Variants in CD47 observed in about 807,000 individuals in gnomAD.
CD47 encodes CD47 molecule.
CD47 carries 11 observed loss-of-function variants against 44.6 expected under a neutral mutation model. The observed-to-expected ratio is 0.25, with a 90% CI of 0.16 to 0.41. The LOEUF is 0.41. Ranked by LOEUF, CD47 falls within the 10% of genes least tolerant of loss-of-function variation. CD47 has a pLI of 1.00. For synonymous variants in CD47, 140 were observed against 136.3 expected (o/e 1.03, Z -0.19); for missense variants, 306 against 386.7 (o/e 0.79, Z 1.75).
chr3:108,073,850 C>T (rs2079255159), intron 2 of CD47, among the ~76,000 whole-genome samples: 1 of 152,146 alleles, frequency 6.6e-6, no homozygotes, highest in Non-Finnish European at 1.5e-5. Flanking sequence ...AAGGGTGTGA[C>T]CAACAAACGC....
intron 2 of CD47, among the ~76,000 whole-genome samples, chr3:108,075,718 C>G (rs1270184070): frequency 6.6e-6 from 1 of 152,130 alleles, no homozygotes; most frequent in African/African-American, 2.4e-5. Context: ...TATCACCCAG[C>G]AAAAGGGAGT....
chr3:108,054,090 A>G (rs2078874548), intron 7 of CD47: 1 of 152,336 alleles, frequency 6.6e-6, no homozygotes, highest in South Asian at 2.1e-4. Context: ...TGTATTTATC[A>G]GAATAAACAC....
At chr3:108,072,936 G>A (rs891729572) in intron 2 of CD47, among the ~76,000 whole-genome samples, 1 of 152,086 alleles carries the variant, frequency 6.6e-6, no homozygotes, top group African/African-American at 2.4e-5. Context: ...AGTGAATTCA[G>A]GCTCTTCAGT....
At chr3:108,072,850 C>T (rs764608521) in intron 2 of CD47, among the ~76,000 whole-genome samples, 3 of 151,892 alleles carry the variant, frequency 2.0e-5, no homozygotes, top group Non-Finnish European at 4.4e-5. Context: ...AATTGTGTAC[C>T]TCAACTCCTC....
rs773739625 is a variant in CD47 at position 108,057,558 on chromosome 3, T to C, written c.796A>G (p.Met266Val). The change falls in exon 7 of 11, where the codon ATG becomes GTG. Residue 266 changes from methionine to valine, a missense_variant. Met to Val is a conservative substitution (Grantham distance 21). Transcript: ENST00000361309. The stretch of plus-strand genomic sequence containing the variant: ...CCTGAAATCAGAAGAGGGCCATGCA[T>C]TGGTATACACGCTGTAAAAACAAAT... ...LSLCIAACIPMHGPLLISGLS... is the reference protein window; with the variant it reads ...LSLCIAACIPVHGPLLISGLS... 1 of 1,514,460 alleles carries C rather than the reference T, an allele frequency of 6.6e-7. No homozygotes were observed. Among genetic ancestry groups the C allele is most frequent in the South Asian group, 1.1e-5 (1 of 89,044 alleles). The allele number at this position is 1,514,460 out of a possible 1,614,324, so 93.8% of individuals were successfully genotyped here. A position where few individuals can be genotyped will look rare whatever the true frequency, so the allele number is the denominator to read the frequency against.
chr3:108,049,706 C>A, intron 9 of CD47, 55 bp from the exon 10 acceptor site: 1 of 1,308,306 alleles, frequency 7.6e-7, no homozygotes, highest in Non-Finnish European at 1.1e-6. Flanking sequence ...AATTGGAAAT[C>A]ATTTCTAAAT....
intron 7 of CD47, among the ~76,000 whole-genome samples, chr3:108,057,243 A>G (rs983058509): frequency 9.2e-5 from 14 of 152,112 alleles, no homozygotes; most frequent in African/African-American, 3.4e-4. Context: ...TATGTCTTCT[A>G]CCCTCTTTAA....
intron 8 of CD47, 177 bp downstream of exon 8, chr3:108,051,762 C>T (rs1484324829): frequency 1.0e-5 from 7 of 690,810 alleles, no homozygotes; most frequent in South Asian, 9.6e-5. Context: ...ACTAAAATGA[C>T]CAAACACAGG....
rs375978167 is a variant in CD47 at position 108,047,245 on chromosome 3, C to G, written c.*43G>C. On this transcript the variant is annotated 3_prime_UTR_variant, in exon 11 of 11. Transcript: ENST00000361309. ...CTTAAACACAAGTGTATTCCTTTCACGTCTTACTACTCTCCAAATCGGAGT... is the reference window on the plus strand; with the variant it reads ...CTTAAACACAAGTGTATTCCTTTCAGGTCTTACTACTCTCCAAATCGGAGT... 6.4e-7 allele frequency: 1 copy of G among 1,566,484 alleles called. No homozygotes were observed. The highest frequency in any genetic ancestry group is 1.4e-5 in the African/African-American group (1 of 73,932).
At chr3:108,066,204 G>A (rs554657099) in intron 3 of CD47, among the ~76,000 whole-genome samples, 48 of 151,836 alleles carry the variant, frequency 3.2e-4, no homozygotes, top group African/African-American at 3.6e-4. Flanking sequence ...CATCTGAGCC[G>A]TAACCAAAAT....
At chr3:108,087,724 C>T (rs1412537918) in intron 1 of CD47, among the ~76,000 whole-genome samples, 1 of 152,192 alleles carries the variant, frequency 6.6e-6, no homozygotes, top group Non-Finnish European at 1.5e-5. Flanking sequence ...TTCTCCTAAT[C>T]TGAATCTCAA....
chr3:108,079,311 C>T (rs1015713752), intron 2 of CD47, among the ~76,000 whole-genome samples: 10 of 151,800 alleles, frequency 6.6e-5, no homozygotes, highest in Non-Finnish European at 1.5e-4. Context: ...TTACTACCTT[C>T]TACACCTCAG....
intron 2 of CD47, among the ~76,000 whole-genome samples, chr3:108,075,273 T>C (rs150693799): frequency 6.6e-6 from 1 of 152,266 alleles, no homozygotes; most frequent in Non-Finnish European, 1.5e-5. Context: ...TACAAGGGTG[T>C]AGTCAATGAA....
chr3:108,071,028 C>T, intron 3 of CD47, 65 bp downstream of exon 3: 1 of 697,974 alleles, frequency 1.4e-6, no homozygotes, highest in Non-Finnish European at 2.4e-6. Flanking sequence ...ATTTCGCTGA[C>T]AATGTCTCGT....
At chr3:108,067,111 C>T (rs956997270) in intron 3 of CD47, among the ~76,000 whole-genome samples, 3 of 152,306 alleles carry the variant, frequency 2.0e-5, no homozygotes, top group Middle Eastern at 3.4e-3. Flanking sequence ...TGATAACACA[C>T]TTTCATTCTC....
rs1430080655 is a variant in CD47 at position 108,050,905 on chromosome 3, A to G, written c.910-303T>C. 1.0e-5 allele frequency: 4 copies of G among 384,370 alleles called. No homozygotes were observed. The Admixed American group carries it at 1.4e-4, about 13-fold the overall frequency. 23.8% of individuals were successfully genotyped at this position (384,370 alleles called of 1,614,324 possible). The stretch of plus-strand genomic sequence containing the variant: ...CTTCTAAAAATATGAAAGTGCAAGC[A>G]TAAATAGCAACAACAGAATAAATAA... On this transcript the variant is annotated intron_variant, in intron 8 of 10. Coordinates refer to ENST00000361309, the MANE Select transcript of CD47 (RefSeq NM_001777.4).
intron 10 of CD47, among the ~76,000 whole-genome samples, chr3:108,047,848 C>T (rs1204196380): frequency 6.6e-6 from 1 of 152,168 alleles, no homozygotes; most frequent in Non-Finnish European, 1.5e-5. Context: ...TCTTGAAGAT[C>T]ATCGTAGATT....
chr3:108,080,289 A>G lies in CD47; in HGVS notation c.102T>C (p.Asn34=). ...KTKSVEFTFC[N]DTVVIPCFVT... ...CAAAGCATGGAATGACGACAGTGTC[A>G]TTACAAAACGTGAATTCTACAGATT... The change falls in exon 2 of 11, where the codon AAT becomes AAC. Residue 34 remains asparagine, a synonymous_variant. Coordinates refer to ENST00000361309, the MANE Select transcript of CD47 (RefSeq NM_001777.4). 1 of 1,611,864 alleles carries G rather than the reference A, an allele frequency of 6.2e-7. No homozygotes were observed.
chr3:108,070,847 T>C (rs1036154201), intron 3 of CD47, among the ~76,000 whole-genome samples: 3 of 152,140 alleles, frequency 2.0e-5, no homozygotes, highest in Admixed American at 6.6e-5. Flanking sequence ...ATATTCCTAC[T>C]ATTCATTCTT....
Sources: allele counts gnomAD v4.1 joint callset (sites outside exome capture counted in the v4.1 genomes callset), GRCh38; gene constraint gnomAD v4.1.1; transcripts MANE v1.5; gene names NCBI Gene and HGNC (gene_info 2026-07-23, HGNC 2026-07-21).